Variants in PPP2R2B observed in about 807,000 individuals in gnomAD.
PPP2R2B encodes the protein protein phosphatase 2 regulatory subunit Bbeta, also known as serine/threonine-protein phosphatase 2A 55 kDa regulatory subunit B beta isoform.
PPP2R2B carries 5 observed loss-of-function variants against 46.0 expected under a neutral mutation model. The observed-to-expected ratio is 0.11, with a 90% CI of 0.06 to 0.23. The LOEUF (loss-of-function observed/expected upper bound fraction) is 0.23. Among genes scored for constraint, PPP2R2B ranks in the 10% least tolerant of loss-of-function variants. The pLI, the probability that PPP2R2B is intolerant of heterozygous loss-of-function variation, is 1.00. For synonymous variants in PPP2R2B, 215 were observed against 206.7 expected, an observed-to-expected ratio of 1.04 and a Z score of -0.34; for missense variants, 367 against 575.0, an observed-to-expected ratio of 0.64 and a Z score of 3.70.
intron 1 of PPP2R2B, among the ~76,000 whole-genome samples, chr5:147,051,330 A>G (rs1756805880): frequency 6.6e-6 from 1 of 152,158 alleles, no homozygotes; most frequent in East Asian, 1.9e-4. Context: ...GACTGTTGTG[A>G]GGAGTGAATG....
chr5:146,758,421 C>T (rs1389482202), intron 2 of PPP2R2B, among the ~76,000 whole-genome samples: 4 of 152,070 alleles, frequency 2.6e-5, no homozygotes, highest in African/African-American at 9.7e-5. Flanking sequence ...TATGAGGATT[C>T]ATTATGACAT....
intron 7 of PPP2R2B, among the ~76,000 whole-genome samples, chr5:146,633,974 G>A (rs764307739): frequency 4.6e-5 from 7 of 152,134 alleles, no homozygotes; most frequent in Non-Finnish European, 8.8e-5. Flanking sequence ...ATTTGTTTCT[G>A]TTCTCTAACT....
rs145790049 is a variant in PPP2R2B at position 146,664,500 on chromosome 5, C to T, written c.448-13776G>A. The stretch of plus-strand genomic sequence containing the variant: ...GCAGCAATTAAGACCCATCTTCAGG[C>T]TCCATTTTTAGTTCTAGTTTTTTTT... On this transcript the variant is annotated intron_variant, in intron 5 of 9. Transcript: ENST00000394411. Among the ~76,000 whole-genome samples, 21 of 151,994 alleles carry T rather than the reference C, an allele frequency of 1.4e-4. No individual in the cohort carries two copies. The East Asian group carries it at 3.3e-3, about 24-fold the overall frequency.
chr5:146,730,307 T>C, intron 2 of PPP2R2B, among the ~76,000 whole-genome samples: 1 of 152,330 alleles, frequency 6.6e-6, no homozygotes, highest in Non-Finnish European at 1.5e-5. Flanking sequence ...AGTAACTAGC[T>C]TGCTTTTGAT....
intron 1 of PPP2R2B, among the ~76,000 whole-genome samples, chr5:146,990,905 C>T (rs11750453): frequency 0.47 from 71,871 of 151,662 alleles, 18,419 homozygotes; most frequent in Middle Eastern, 0.58. Context: ...TAAAAATAGG[C>T]AAAAAACATG....
chr5:146,698,240 G>T, intron 3 of PPP2R2B, 96 bp from the exon 4 acceptor site: 1 of 1,021,486 alleles, frequency 9.8e-7, no homozygotes, highest in Non-Finnish European at 1.3e-6. Context: ...CATTGGGGGT[G>T]GGATGAGGGC....
At chr5:146,665,942 A>C (rs973001412) in intron 5 of PPP2R2B, among the ~76,000 whole-genome samples, 6 of 152,242 alleles carry the variant, frequency 3.9e-5, no homozygotes, top group Non-Finnish European at 8.8e-5. Flanking sequence ...TGCTTGTTGC[A>C]GTGTTGCTAC....
intron 2 of PPP2R2B, among the ~76,000 whole-genome samples, chr5:146,773,049 G>GTTTTA (rs910329355): frequency 4.6e-5 from 7 of 152,268 alleles, no homozygotes; most frequent in African/African-American, 1.7e-4. Flanking sequence ...AAGAGTTTTT[G>GTTTTA]TTTTATTTTA....
intron 5 of PPP2R2B, among the ~76,000 whole-genome samples, chr5:146,681,151 A>C (rs887249772): frequency 6.6e-6 from 1 of 152,202 alleles, no homozygotes; most frequent in South Asian, 2.1e-4. Context: ...ATCCATTTGC[A>C]CTAATTATTT....
At chr5:146,787,327 C>T (rs976788791) in intron 2 of PPP2R2B, among the ~76,000 whole-genome samples, 3 of 152,166 alleles carry the variant, frequency 2.0e-5, no homozygotes, top group African/African-American at 7.2e-5. Flanking sequence ...CACACTGTGG[C>T]CACAGGATCA....
chr5:146,733,946 A>C (rs753955601), intron 2 of PPP2R2B, among the ~76,000 whole-genome samples: 3 of 152,166 alleles, frequency 2.0e-5, no homozygotes, highest in Non-Finnish European at 4.4e-5. Context: ...GGTGGTAGTA[A>C]TAGTAGTGGT....
chr5:147,012,256 T>G (rs1191886003), intron 1 of PPP2R2B, among the ~76,000 whole-genome samples: 3 of 152,130 alleles, frequency 2.0e-5, no homozygotes, highest in Non-Finnish European at 4.4e-5. Context: ...CAATTTCGGA[T>G]CCTGTTATTG....
At chr5:146,701,209 T>C (rs1394835150) in intron 2 of PPP2R2B, 67 bp from the exon 3 acceptor site, 10 of 1,297,396 alleles carry the variant, frequency 7.7e-6, no homozygotes, top group Middle Eastern at 1.8e-4. Context: ...AGATAATAGA[T>C]ATACTTTTCT....
intron 1 of PPP2R2B, among the ~76,000 whole-genome samples, chr5:146,988,468 G>T (rs1395551763): frequency 6.6e-6 from 1 of 151,698 alleles, no homozygotes; most frequent in Admixed American, 6.6e-5. Flanking sequence ...GAAGAAATTT[G>T]GAAATGGTTC....
At chr5:146,833,969 T>C (rs1759118967) in intron 2 of PPP2R2B, among the ~76,000 whole-genome samples, 1 of 152,162 alleles carries the variant, frequency 6.6e-6, no homozygotes, top group Non-Finnish European at 1.5e-5. Flanking sequence ...GCCACTTCCA[T>C]GCACATCCTA....
In PPP2R2B at chr5:146,978,102, C is replaced by T. The variant is rs527607615; in HGVS notation, c.79+77563G>A. ...ATGAGATGGTACCTCATTCTGGTTT[C>T]GGTTTGCACTTCTCTAATGACCAGT... On this transcript the variant is annotated intron_variant, in intron 1 of 8. Coordinates refer to the PPP2R2B transcript ENST00000336640. 2.8e-4 allele frequency among the ~76,000 whole-genome samples: 42 copies of T among 152,288 alleles called. 1 individual carries two copies. In the South Asian group the frequency reaches 5.8e-3, roughly 21 times the overall value.
chr5:146,850,562 C>T (rs1489339252), intron 2 of PPP2R2B, among the ~76,000 whole-genome samples: 1 of 152,132 alleles, frequency 6.6e-6, no homozygotes, highest in African/African-American at 2.4e-5. Flanking sequence ...AGCCCTTGTA[C>T]ATGCAGTTCT....
At chr5:147,073,644 C>T (rs573487119) in intron 2 of PPP2R2B, among the ~76,000 whole-genome samples, 4 of 152,314 alleles carry the variant, frequency 2.6e-5, no homozygotes, top group African/African-American at 7.2e-5. Flanking sequence ...GCACTCAAAA[C>T]ACCTTCAGAT....
chr5:146,923,132 G>A (rs1561520854), intron 1 of PPP2R2B, among the ~76,000 whole-genome samples: 1 of 151,988 alleles, frequency 6.6e-6, no homozygotes, highest in Non-Finnish European at 1.5e-5. Flanking sequence ...TTCTTTTTTT[G>A]TTTAGCCGGT....
Sources: allele counts gnomAD v4.1 joint callset (sites outside exome capture counted in the v4.1 genomes callset), GRCh38; gene constraint gnomAD v4.1.1; transcripts MANE v1.5; gene names NCBI Gene and HGNC (gene_info 2026-07-23, HGNC 2026-07-21).